Variants in PCDHGB2 observed in about 807,000 individuals in gnomAD.
PCDHGB2 encodes the protein protocadherin gamma subfamily B, 2, also known as protocadherin gamma-B2.
Under a neutral mutation model 59.3 loss-of-function variants are expected in PCDHGB2, and 55 were observed. The ratio of observed to expected loss-of-function variants is 0.93; its 90% CI spans 0.75 to 1.16. The LOEUF is 1.16. PCDHGB2 is among the 50% of genes most tolerant of loss of function. The pLI is 0.00. For missense variants in PCDHGB2, 1,228 were observed against 1,198.5 expected, an observed-to-expected ratio of 1.02 and a Z score of -0.36; for synonymous variants, 516 against 512.0, an observed-to-expected ratio of 1.01 and a Z score of -0.11.
chr5:141,482,530 CAAAAA>C (rs3074545), intron 1 of PCDHGB2, among the ~76,000 whole-genome samples: 1 of 76,558 alleles, frequency 1.3e-5, no homozygotes, highest in African/African-American at 4.8e-5. Context: ...GACAGACATG[CAAAAA>C]AAAAAAAAAA....
chr5:141,457,279 G>A (rs948609305), intron 1 of PCDHGB2, among the ~76,000 whole-genome samples: 2 of 152,190 alleles, frequency 1.3e-5, no homozygotes, highest in African/African-American at 4.8e-5. Flanking sequence ...GTGGGCCTAC[G>A]AAGTTCCTTG....
At position 141,512,116 on chromosome 5, in the gene PCDHGB2, T is replaced by TTA. The variant is rs2099884085; in HGVS notation, c.*943_*944insTA. On this transcript the variant is annotated 3_prime_UTR_variant, in exon 4 of 4. Coordinates refer to ENST00000522605, the MANE Select transcript of PCDHGB2 (RefSeq NM_018923.3). ...ACTAGGCTGGACCCTTCCCACTACA[T>TTA]AATAGGGCTCAGCCCAGGCAGCCAG... 1 of 152,600 alleles carries TTA rather than the reference T, an allele frequency of 6.6e-6. No homozygotes were observed. The highest frequency in any genetic ancestry group is 2.1e-4 in the South Asian group (1 of 4,832). 9.5% of individuals were successfully genotyped at this position (152,600 alleles called of 1,614,324 possible).
chr5:141,414,526 G>T, intron 1 of PCDHGB2: 1 of 1,613,912 alleles, frequency 6.2e-7, no homozygotes, highest in Non-Finnish European at 8.5e-7. Flanking sequence ...AGATATCAAT[G>T]ACAACCCACC....
chr5:141,394,444 G>A (rs2093001580), intron 1 of PCDHGB2: 1 of 1,614,228 alleles, frequency 6.2e-7, no homozygotes, highest in Non-Finnish European at 8.5e-7. Context: ...CCCCTCAGCA[G>A]CAACATGTCA....
intron 1 of PCDHGB2, chr5:141,475,885 A>G (rs1593590954): frequency 1.8e-6 from 1 of 556,524 alleles, no homozygotes. Flanking sequence ...ATTGGCTGGG[A>G]CTCTGTGTGC....
At chr5:141,365,366 G>A (rs764735476) in intron 1 of PCDHGB2, 15 of 1,613,910 alleles carry the variant, frequency 9.3e-6, no homozygotes, top group Middle Eastern at 1.6e-4. Flanking sequence ...CAATGCCCCC[G>A]AAGTGATCCT....
At chr5:141,409,290 G>A in intron 1 of PCDHGB2, 1 of 1,613,974 alleles carries the variant, frequency 6.2e-7, no homozygotes. Context: ...TCACCTCCAG[G>A]AATGGTTGTT....
chr5:141,408,796 A>G (rs2154540634), intron 1 of PCDHGB2: 1 of 1,612,808 alleles, frequency 6.2e-7, no homozygotes, highest in Non-Finnish European at 8.5e-7. Context: ...CTCTGGAGAA[A>G]CTCCTAGACC....
In PCDHGB2 at chr5:141,431,889, A is replaced by G; in HGVS notation, c.2422-62918A>G. 1 of 1,614,170 alleles carries G rather than the reference A, an allele frequency of 6.2e-7. No homozygotes were observed. The highest frequency in any genetic ancestry group is 2.2e-5 in the East Asian group (1 of 44,888). On this transcript the variant is annotated intron_variant, in intron 1 of 3. Transcript: ENST00000522605. The surrounding 1 kb of genome is among the most constrained non-coding windows in gnomAD (Gnocchi z 4.8). The stretch of plus-strand genomic sequence containing the variant: ...TTAAATGTAAATGACCAAGATTCTG[A>G]GGAAAACGGACAGGTGATCTGTTTC...
chr5:141,375,647 T>C (rs1265306389), intron 1 of PCDHGB2: 2 of 1,614,038 alleles, frequency 1.2e-6, no homozygotes. Flanking sequence ...CTCCTTCGAC[T>C]ATGAGCAGTT....
Position 141,485,210 on chromosome 5 carries a change from C to T in PCDHGB2, c.2422-9597C>T, listed in dbSNP as rs2099609472. 1.2e-6 allele frequency: 2 copies of T among 1,614,058 alleles called. No individual in the cohort carries two copies. The highest frequency in any genetic ancestry group is 1.3e-5 in the African/African-American group (1 of 75,046). ...GGTGAGAAGCTGGACAGAAATCTGG[C>T]GGTGGGCTACCCTTTTGTTCCTCTT... On this transcript the variant is annotated intron_variant, in intron 1 of 3. Coordinates refer to ENST00000522605, the MANE Select transcript of PCDHGB2 (RefSeq NM_018923.3). The surrounding 1 kb of genome is among the most constrained non-coding windows in gnomAD (Gnocchi z 5.7).
chr5:141,436,220 T>C (rs1179034537), intron 1 of PCDHGB2, among the ~76,000 whole-genome samples: 2 of 152,096 alleles, frequency 1.3e-5, no homozygotes, highest in Non-Finnish European at 2.9e-5. Flanking sequence ...ACAAATGACT[T>C]GGGAAACTAA....
At chr5:141,366,181 T>C (rs1310080502) in intron 1 of PCDHGB2, 4 of 1,613,836 alleles carry the variant, frequency 2.5e-6, no homozygotes, top group African/African-American at 1.3e-5. Context: ...CAGGACTCTT[T>C]GCGGTTGGGC....
intron 2 of PCDHGB2, among the ~76,000 whole-genome samples, chr5:141,505,177 A>G (rs917485235): frequency 6.6e-6 from 1 of 152,180 alleles, no homozygotes; most frequent in East Asian, 1.9e-4. Flanking sequence ...AAAAGAAAAA[A>G]GCATCGGAGG....
chr5:141,418,151 G>T, intron 1 of PCDHGB2: 1 of 1,614,108 alleles, frequency 6.2e-7, no homozygotes, highest in Non-Finnish European at 8.5e-7. Flanking sequence ...AATATGCAAA[G>T]AGAGAAGAAG....
At chr5:141,427,422 G>C (rs922637577) in intron 1 of PCDHGB2, 1 of 468,292 alleles carries the variant, frequency 2.1e-6, no homozygotes, top group Non-Finnish European at 4.3e-6. Context: ...AAATGGGGAG[G>C]TTACATGCCT....
rs773232677 is a variant in PCDHGB2, at chr5:141,490,388, G to A, written c.2422-4419G>A. 2 of 1,614,206 alleles carry A rather than the reference G, an allele frequency of 1.2e-6. No homozygotes were observed. The highest frequency in any genetic ancestry group is 2.2e-5 in the East Asian group (1 of 44,878). The stretch of plus-strand genomic sequence containing the variant: ...CGAGACCGGGACTCAGGTAGAAATG[G>A]TGAAGTGAGCCTTGATATCTCTCCG... On this transcript the variant is annotated intron_variant, in intron 1 of 3. Transcript: ENST00000522605. The surrounding 1 kb of genome is among the most constrained non-coding windows in gnomAD (Gnocchi z 5.4).
intron 1 of PCDHGB2, among the ~76,000 whole-genome samples, chr5:141,488,854 A>G (rs923370040): frequency 1.3e-5 from 2 of 152,226 alleles, no homozygotes; most frequent in Admixed American, 1.3e-4. Context: ...AACCTGCAGC[A>G]CGAAGTGAGT....
rs188916402 is a variant in PCDHGB2, at chr5:141,473,975, G to A, written c.2422-20832G>A. 4.6e-5 allele frequency among the ~76,000 whole-genome samples: 7 copies of A among 152,222 alleles called. No homozygotes were observed. The East Asian group carries it at 7.7e-4, about 17-fold the overall frequency. ...TCCCATCTACTTAGAAGTCTGAGGCGGGAGGATCCCTTGAGCCCAAGGAGC... is the reference window on the plus strand; with the variant it reads ...TCCCATCTACTTAGAAGTCTGAGGCAGGAGGATCCCTTGAGCCCAAGGAGC... On this transcript the variant is annotated intron_variant, in intron 1 of 3. Transcript: ENST00000522605.
Sources: gnomAD v4.1 joint callset for allele counts (sites outside exome capture counted in the v4.1 genomes callset) on GRCh38, gnomAD v4.1.1 for gene constraint, Gnocchi (gnomAD v3.1) non-coding constraint, MANE v1.5 for transcripts, NCBI Gene and HGNC (gene_info 2026-07-23, HGNC 2026-07-21) for gene names.